EPHA6: variants seen among roughly 807,000 people sequenced by gnomAD.
EPHA6 encodes the protein ephrin type-A receptor 6.
In EPHA6, 50 loss-of-function variants were observed where a neutral mutation model predicts 112.0. The observed-to-expected ratio is 0.45, with a 90% CI of 0.36 to 0.56. EPHA6 has a LOEUF of 0.56. Ranked by LOEUF, EPHA6 falls within the 20% of genes least tolerant of loss-of-function variation. The pLI is 0.00. For synonymous variants in EPHA6, 529 were observed against 490.7 expected (o/e 1.08, Z -1.03); for missense variants, 1,280 against 1,417.4 (o/e 0.90, Z 1.56).
chr3:97,506,826 T>A (rs964153616), intron 10 of EPHA6, among the ~76,000 whole-genome samples: 10 of 152,364 alleles, frequency 6.6e-5, no homozygotes, highest in Admixed American at 5.2e-4. Context: ...TCCATTTGTT[T>A]GTGTCCTCTC....
chr3:96,876,128 C>T (rs181776729), intron 2 of EPHA6, among the ~76,000 whole-genome samples: 12 of 140,328 alleles, frequency 8.6e-5, no homozygotes, highest in Admixed American at 1.5e-4. Flanking sequence ...TAATAAAATA[C>T]ATATATTTTT....
intron 6 of EPHA6, among the ~76,000 whole-genome samples, chr3:97,405,497 T>A (rs2087282459): frequency 1.3e-5 from 2 of 152,142 alleles, no homozygotes; most frequent in Non-Finnish European, 2.9e-5. Context: ...AGATGTAAGA[T>A]GTTCATTTCT....
chr3:97,697,495 C>T (rs1041834530), intron 14 of EPHA6, among the ~76,000 whole-genome samples: 4 of 152,022 alleles, frequency 2.6e-5, no homozygotes, highest in East Asian at 1.9e-4. Context: ...CTTCTTAGTC[C>T]GTCATGAAAA....
chr3:97,412,658 G>T (rs1437517135), intron 6 of EPHA6, among the ~76,000 whole-genome samples: 1 of 151,952 alleles, frequency 6.6e-6, no homozygotes, highest in Non-Finnish European at 1.5e-5. Flanking sequence ...AATTAAAAAT[G>T]ACAGAGAAGT....
At chr3:96,859,059 T>C (rs138840295) in intron 1 of EPHA6, among the ~76,000 whole-genome samples, 2 of 152,092 alleles carry the variant, frequency 1.3e-5, no homozygotes, top group Non-Finnish European at 2.9e-5. Flanking sequence ...GCTTTTCCAA[T>C]AGTTGGTTAA....
Position 97,729,090 on chromosome 3 carries a change from C to G in EPHA6, c.2935-6835C>G, listed in dbSNP as rs966513819. ...TTAATCTTAAAGCTAAGAAGAAAAT[C>G]TGAAAAAGAAAATCTTAGGCTAAAC... On this transcript the variant is annotated intron_variant, in intron 15 of 17. Transcript: ENST00000389672. Among the ~76,000 whole-genome samples the G allele has an allele frequency of 2.0e-5, 3 of 151,996 alleles. No individual in the cohort carries two copies. The East Asian group carries it at 5.8e-4, about 30-fold the overall frequency.
intron 2 of EPHA6, among the ~76,000 whole-genome samples, chr3:96,964,428 G>A (rs2042050982): frequency 6.6e-6 from 1 of 152,020 alleles, no homozygotes; most frequent in African/African-American, 2.4e-5. Flanking sequence ...TTGTTTGAGG[G>A]GGAAACTTTA....
intron 5 of EPHA6, among the ~76,000 whole-genome samples, chr3:97,281,173 G>T (rs2080270674): frequency 6.6e-6 from 1 of 151,314 alleles, no homozygotes; most frequent in Non-Finnish European, 1.5e-5. Flanking sequence ...GCTATGACCG[G>T]AATTGCAATC....
At chr3:97,074,795 ACT>A (rs2046465386) in intron 3 of EPHA6, among the ~76,000 whole-genome samples, 3 of 152,046 alleles carry the variant, frequency 2.0e-5, no homozygotes, top group African/African-American at 7.2e-5. Context: ...TCTTTTCACA[ACT>A]CTCAGCATTG....
intron 14 of EPHA6, among the ~76,000 whole-genome samples, chr3:97,697,684 C>A (rs2033126367): frequency 6.6e-6 from 1 of 152,202 alleles, no homozygotes; most frequent in Admixed American, 6.5e-5. Flanking sequence ...TTCAATTTGG[C>A]TTGGAGGTGT....
chr3:97,072,311 G>A (rs2046385680), intron 3 of EPHA6, among the ~76,000 whole-genome samples: 1 of 152,060 alleles, frequency 6.6e-6, no homozygotes, highest in African/African-American at 2.4e-5. Flanking sequence ...TTAAGATGAG[G>A]TTCTTAAGGT....
chr3:97,560,186 A>G (rs1249118078), intron 11 of EPHA6, among the ~76,000 whole-genome samples: 1 of 151,918 alleles, frequency 6.6e-6, no homozygotes, highest in Non-Finnish European at 1.5e-5. Context: ...ATGGAATAGA[A>G]AGTTGTGGAT....
chr3:96,994,274 C>T (rs2043321549), intron 3 of EPHA6: 1 of 350,576 alleles, frequency 2.9e-6, no homozygotes, highest in South Asian at 3.2e-5. Flanking sequence ...CAAATCTCAG[C>T]TGATATTTCA....
intron 14 of EPHA6, among the ~76,000 whole-genome samples, chr3:97,712,577 A>G (rs1376170103): frequency 1.3e-5 from 2 of 152,218 alleles, no homozygotes. Flanking sequence ...GTCCTACATT[A>G]TCTACCTTAT....
intron 7 of EPHA6, among the ~76,000 whole-genome samples, chr3:97,465,073 A>G (rs2091010332): frequency 6.6e-6 from 1 of 152,114 alleles, no homozygotes; most frequent in Non-Finnish European, 1.5e-5. Flanking sequence ...CATATTGTGA[A>G]GATACTAGTT....
chr3:97,050,507 G>A (rs907336660), intron 3 of EPHA6, among the ~76,000 whole-genome samples: 1 of 152,090 alleles, frequency 6.6e-6, no homozygotes, highest in African/African-American at 2.4e-5. Context: ...TCAAAAATAT[G>A]TTTCCCATAA....
At chr3:97,681,768 A>T (rs2107683404) in intron 14 of EPHA6, among the ~76,000 whole-genome samples, 1 of 152,188 alleles carries the variant, frequency 6.6e-6, no homozygotes, top group South Asian at 2.1e-4. Context: ...ATGGTACCTT[A>T]AAAAGGCAGC....
intron 3 of EPHA6, among the ~76,000 whole-genome samples, chr3:97,137,284 G>T (rs181955794): frequency 9.9e-4 from 151 of 152,216 alleles, no homozygotes; most frequent in African/African-American, 3.4e-3. Context: ...TTGGACCTTA[G>T]AGTCTGCCAA....
intron 13 of EPHA6, among the ~76,000 whole-genome samples, chr3:97,636,713 T>A (rs1166444172): frequency 2.6e-5 from 4 of 152,154 alleles, no homozygotes; most frequent in Non-Finnish European, 5.9e-5. Flanking sequence ...GTCCTGAAGC[T>A]GCACTATGGT....
Sources: allele counts gnomAD v4.1 joint callset (sites outside exome capture counted in the v4.1 genomes callset), GRCh38; gene constraint gnomAD v4.1.1; transcripts MANE v1.5; gene names NCBI Gene and HGNC (gene_info 2026-07-23, HGNC 2026-07-21).